The following THRA variants were observed in gnomAD, a reference collection of about 807,000 sequenced individuals.
The protein encoded by THRA is thyroid hormone receptor alpha, also known as EAR-7.
In THRA, 13 loss-of-function variants were observed where a neutral mutation model predicts 45.0. That is an observed-to-expected ratio of 0.29 (90% CI 0.19 to 0.46). THRA has a LOEUF of 0.46. Ranked by LOEUF, THRA falls within the 20% of genes least tolerant of loss-of-function variation. The pLI is 1.00. For synonymous variants in THRA, 195 were observed against 214.0 expected (o/e 0.91, Z 0.78); for missense variants, 278 against 556.1 (o/e 0.50, Z 5.03).
intron 4 of THRA, among the ~76,000 whole-genome samples, chr17:40,081,968 GA>G (rs950922398): frequency 2.3e-4 from 34 of 146,510 alleles, no homozygotes; most frequent in African/African-American, 5.0e-4. Context: ...ATCTCAAAAA[GA>G]AAAAAAAAAT....
At position 40,088,458 on chromosome 17, in the gene THRA, A is replaced by C. The variant is rs763953299; in HGVS notation, c.940A>C (p.Thr314Pro). The change falls in exon 8 of 9, where the codon ACG (threonine) becomes CCG (proline). Residue 314 changes from threonine to proline, a missense_variant. Thr to Pro is a conservative substitution (Grantham distance 38). This residue lies in a region of THRA where 66 missense variants were observed against 94.7 expected (regional missense o/e 0.70). Coordinates refer to ENST00000450525, the MANE Select transcript of THRA (RefSeq NM_199334.5). The part of the protein sequence containing the change: ...KSLSAFNLDD[T>P]EVALLQAVLL... ...ACTCTCTGCCTTTAACCTGGATGAC[A>C]CGGAAGTGGCTCTGCTGCAGGCTGT... is the stretch of plus-strand genomic sequence containing the variant. 3.1e-6 allele frequency: 5 copies of C among 1,613,870 alleles called. No homozygotes were observed. The highest frequency in any genetic ancestry group is 4.2e-6 in the Non-Finnish European group (5 of 1,179,926).
intron 1 of THRA, among the ~76,000 whole-genome samples, chr17:40,063,922 T>G (rs1405567112): frequency 1.0e-3 from 86 of 84,210 alleles, no homozygotes; most frequent in African/African-American, 1.4e-3. Flanking sequence ...GGGGTGGGGG[T>G]GGGGGACACA....
At chr17:40,082,176 A>C (rs1201598566) in intron 4 of THRA, among the ~76,000 whole-genome samples, 1 of 150,632 alleles carries the variant, frequency 6.6e-6, no homozygotes, top group African/African-American at 2.4e-5. Flanking sequence ...GTCATTTAGC[A>C]AAATGGAAAA....
At chr17:40,063,324 C>G (rs1457374113) in intron 1 of THRA, among the ~76,000 whole-genome samples, 3 of 152,206 alleles carry the variant, frequency 2.0e-5, no homozygotes, top group African/African-American at 7.2e-5. Flanking sequence ...CCCCGGGGTT[C>G]GCAGGCGGAG....
chr17:40,087,536 C>T (rs1987375313), intron 7 of THRA, among the ~76,000 whole-genome samples: 1 of 152,174 alleles, frequency 6.6e-6, no homozygotes, highest in South Asian at 2.1e-4. Flanking sequence ...TCTAAGAAAT[C>T]AGCCGGCTCC....
upstream of THRA, chr17:40,062,716 A>AGCGGG (rs1986395481): frequency 7.5e-6 from 1 of 133,210 alleles, no homozygotes; most frequent in South Asian, 2.2e-4. Context: ...GGCGAGTCCG[A>AGCGGG]GCGGGGCGGG....
chr17:40,093,668 C>G (rs987723055), downstream of THRA: 19 of 636,204 alleles, frequency 3.0e-5, no homozygotes, highest in African/African-American at 2.8e-4. The surrounding 1 kb of genome is among the most constrained non-coding windows in gnomAD (Gnocchi z 5.9). Flanking sequence ...CCTCCTTCCC[C>G]AGCTCCCCCA....
chr17:40,082,752 C>T (rs1300638610), intron 4 of THRA, among the ~76,000 whole-genome samples: 2 of 141,936 alleles, frequency 1.4e-5, no homozygotes, highest in South Asian at 2.3e-4. Context: ...ACTATAGAAT[C>T]GCATGCTTTT....
chr17:40,082,758 C>CCTTTTTTTTT (rs1389256940), intron 4 of THRA, among the ~76,000 whole-genome samples: 1 of 67,516 alleles, frequency 1.5e-5, no homozygotes, highest in African/African-American at 6.3e-5. Flanking sequence ...GAATCGCATG[C>CCTTTTTTTTT]TTTTTTTTTT....
chr17:40,080,794 C>T (rs1370610820), intron 4 of THRA, among the ~76,000 whole-genome samples: 1 of 149,342 alleles, frequency 6.7e-6, no homozygotes, highest in African/African-American at 2.5e-5. Context: ...GCGATCTTGG[C>T]TCACTGCAAC....
upstream of THRA, chr17:40,062,852 C>G (rs770437223): frequency 1.4e-5 from 2 of 144,996 alleles, no homozygotes; most frequent in Non-Finnish European, 3.1e-5. Context: ...CCGGGCGCGC[C>G]GAGCCCGAGC....
At chr17:40,088,546 C>T in intron 8 of THRA, 46 bp downstream of exon 8, 1 of 1,569,938 alleles carries the variant, frequency 6.4e-7, no homozygotes, top group Non-Finnish European at 8.7e-7. Context: ...CCAGGGGTCC[C>T]AGAGATTGGC....
upstream of THRA, chr17:40,062,347 A>T (rs1432450990): frequency 6.6e-6 from 1 of 151,926 alleles, no homozygotes; most frequent in Non-Finnish European, 1.5e-5. Context: ...AGGATGAAAA[A>T]CGTAAGATGA....
At chr17:40,093,753 C>T (rs544405447), downstream of THRA, 8 of 666,992 alleles carry the variant, frequency 1.2e-5, no homozygotes, top group Admixed American at 1.4e-4. This position sits in a 1 kb window ranked among gnomAD's most constrained non-coding sequence, Gnocchi z 5.9. Context: ...TATAATTAGT[C>T]GGGCATGAGT....
In THRA at chr17:40,074,182, C is replaced by T. The variant is rs1986871013; in HGVS notation, c.-297-10C>T. On this transcript the variant is annotated splice_polypyrimidine_tract_variant and intron_variant, in intron 1 of 8. Coordinates refer to ENST00000450525, the MANE Select transcript of THRA (RefSeq NM_199334.5). ...ACCTTCTTACCCCTGCCTCTCTCTT[C>T]TCTCCACAGGGATCTCTGGACAGGA... 1 of 384,146 alleles carries T rather than the reference C, an allele frequency of 2.6e-6. No individual in the cohort carries two copies. The highest frequency in any genetic ancestry group is 2.1e-5 in the African/African-American group (1 of 48,580). The allele number at this position is 384,146 out of a possible 1,614,324, so 23.8% of individuals were successfully genotyped here. A position where few individuals can be genotyped will look rare whatever the true frequency, so the allele number is the denominator to read the frequency against.
intron 1 of THRA, among the ~76,000 whole-genome samples, chr17:40,071,593 C>T (rs1377971289): frequency 2.6e-5 from 4 of 152,248 alleles, no homozygotes; most frequent in Non-Finnish European, 5.9e-5. Flanking sequence ...CACAGAACCC[C>T]ATAGCTCCGC....
intron 1 of THRA, among the ~76,000 whole-genome samples, chr17:40,063,693 G>GT (rs962606063): frequency 2.2e-4 from 33 of 152,316 alleles, no homozygotes; most frequent in African/African-American, 7.9e-4. Context: ...GGGGGAATGT[G>GT]TGTGTGGAAG....
chr17:40,063,490 C>G (rs1986438659), intron 1 of THRA, among the ~76,000 whole-genome samples: 1 of 152,160 alleles, frequency 6.6e-6, no homozygotes, highest in Admixed American at 6.5e-5. Flanking sequence ...CCCCCCCAGC[C>G]CCCACCCCTA....
At position 40,084,098 on chromosome 17, in the gene THRA, G is replaced by T. The variant is rs1363743877; in HGVS notation, c.370+116G>T. On this transcript the variant is annotated intron_variant, in intron 5 of 8. Coordinates refer to ENST00000450525, the MANE Select transcript of THRA (RefSeq NM_199334.5). ...GCCCACAGGGCAGAGTGGCAATCCA[G>T]TCTAGGTCAGAATGTTCAGTGTCTT... 4.9e-6 allele frequency: 6 copies of T among 1,233,910 alleles called. No individual in the cohort carries two copies. In the East Asian group the frequency reaches 1.5e-4, roughly 32 times the overall value. 76.4% of individuals were successfully genotyped at this position (1,233,910 alleles called of 1,614,324 possible). A position where few individuals can be genotyped will look rare whatever the true frequency, so the allele number is the denominator to read the frequency against.
Sources: gnomAD v4.1 joint callset for allele counts (sites outside exome capture counted in the v4.1 genomes callset) on GRCh38, gnomAD v4.1.1 for gene constraint, gnomAD v4.1.1 regional missense constraint, Gnocchi (gnomAD v3.1) non-coding constraint, MANE v1.5 for transcripts, NCBI Gene and HGNC (gene_info 2026-07-23, HGNC 2026-07-21) for gene names.